The following CLDN16 variants were observed in gnomAD, a reference collection of about 807,000 sequenced individuals.
The protein encoded by CLDN16 is claudin 16.
Under a neutral mutation model 24.6 loss-of-function variants are expected in CLDN16, and 13 were observed. The observed-to-expected ratio is 0.53, with a 90% CI of 0.34 to 0.84. The LOEUF (loss-of-function observed/expected upper bound fraction) is 0.84, where lower values mean the gene tolerates loss of function less well. CLDN16 is among the 40% of genes least tolerant of loss of function. The pLI is 0.01. For missense variants in CLDN16, 298 were observed against 292.7 expected (o/e 1.02, Z -0.13); for synonymous variants, 116 against 106.7 (o/e 1.09, Z -0.54).
the CLDN16 span, among the ~76,000 whole-genome samples, chr3:190,293,370 C>T: frequency 6.6e-6 from 1 of 152,198 alleles, no homozygotes; most frequent in Non-Finnish European, 1.5e-5. Flanking sequence ...GAACACAAAG[C>T]CAATCCATAT....
chr3:190,363,587 T>TATATATATAC (rs1560088055), intron 1 of CLDN16, among the ~76,000 whole-genome samples: 1 of 137,578 alleles, frequency 7.3e-6, no homozygotes, highest in Non-Finnish European at 1.6e-5. Flanking sequence ...TATATATATA[T>TATATATATAC]ATATATATAT....
upstream of CLDN16, chr3:190,322,166 G>C (rs141961866): frequency 6.2e-7 from 1 of 1,614,042 alleles, no homozygotes; most frequent in Non-Finnish European, 8.5e-7. Flanking sequence ...TCCCAGGAAG[G>C]CGAGAATGAA....
intron 1 of CLDN16, among the ~76,000 whole-genome samples, chr3:190,395,007 G>T (rs1718780205): frequency 6.6e-6 from 1 of 151,980 alleles, no homozygotes; most frequent in African/African-American, 2.4e-5. Context: ...AGAGAAAAAA[G>T]AAATTGATAA....
intron 1 of CLDN16, among the ~76,000 whole-genome samples, chr3:190,352,217 A>G (rs751653660): frequency 6.6e-6 from 1 of 152,076 alleles, no homozygotes; most frequent in Non-Finnish European, 1.5e-5. Context: ...TAGCTTCTTT[A>G]CAACTTCAAA....
chr3:190,326,026 G>C (rs1278436619), intron 1 of CLDN16, among the ~76,000 whole-genome samples: 2 of 152,094 alleles, frequency 1.3e-5, no homozygotes, highest in Admixed American at 6.6e-5. Flanking sequence ...GGTAGTGAGG[G>C]GTAGTGGTTA....
chr3:190,305,206 T>G, the CLDN16 span, among the ~76,000 whole-genome samples: 1 of 152,208 alleles, frequency 6.6e-6, no homozygotes, highest in East Asian at 1.9e-4. Flanking sequence ...GGTCTCAATA[T>G]GAACATTGTC....
the CLDN16 span, among the ~76,000 whole-genome samples, chr3:190,292,937 C>T: frequency 6.6e-6 from 1 of 152,210 alleles, no homozygotes; most frequent in African/African-American, 2.4e-5. Flanking sequence ...GGCCTCCAAA[C>T]TGTTCCAACC....
At chr3:190,406,042 T>C (rs1235218062) in intron 3 of CLDN16, among the ~76,000 whole-genome samples, 1 of 152,178 alleles carries the variant, frequency 6.6e-6, no homozygotes, top group African/African-American at 2.4e-5. Flanking sequence ...CACTTGTAGA[T>C]ATGTATGTGT....
At chr3:190,363,554 G>GCACATATATATATATA (rs10663299) in intron 1 of CLDN16, among the ~76,000 whole-genome samples, 2 of 81,356 alleles carry the variant, frequency 2.5e-5, no homozygotes, top group South Asian at 4.7e-4. Context: ...GTGTGTGTGT[G>GCACATATATATATATA]TGTATATATA....
intron 1 of CLDN16, among the ~76,000 whole-genome samples, chr3:190,399,929 T>C (rs762745939): frequency 3.9e-5 from 6 of 152,178 alleles, no homozygotes; most frequent in Admixed American, 6.5e-5. Flanking sequence ...CAAACCCTGT[T>C]GTGAACTGCA....
rs558074144 is a variant in CLDN16 at position 190,405,032 on chromosome 3, C to T, written c.382+106C>T. The T allele has an allele frequency of 4.6e-5, 52 of 1,134,718 alleles. 1 individual carries two copies. The South Asian group carries it at 6.4e-4, about 14-fold the overall frequency. 70.3% of individuals were successfully genotyped at this position (1,134,718 alleles called of 1,614,324 possible). ...CTGCTCATTTTCGGATTATATGTGG[C>T]TTCCCTTTCTAGATTGAAAAACTAA... On this transcript the variant is annotated intron_variant, in intron 3 of 4. Coordinates refer to ENST00000264734, the MANE Select transcript of CLDN16 (RefSeq NM_006580.4).
chr3:190,328,306 A>G (rs142941413), intron 1 of CLDN16, among the ~76,000 whole-genome samples: 2 of 152,264 alleles, frequency 1.3e-5, no homozygotes, highest in African/African-American at 4.8e-5. Flanking sequence ...TTAATTTTTA[A>G]TACCTTGATT....
At chr3:190,402,535 A>G (rs1718990770) in intron 2 of CLDN16, 96 bp downstream of exon 2, 2 of 933,198 alleles carry the variant, frequency 2.1e-6, no homozygotes, top group Non-Finnish European at 3.5e-6. Context: ...CTATTGTACT[A>G]TATTAAGGTT....
chr3:190,396,026 A>G (rs907369513), intron 1 of CLDN16, among the ~76,000 whole-genome samples: 4 of 152,168 alleles, frequency 2.6e-5, no homozygotes, highest in Non-Finnish European at 5.9e-5. Context: ...CAAAAGATAC[A>G]TAAAAAGACA....
intron 1 of CLDN16, among the ~76,000 whole-genome samples, chr3:190,344,159 C>T (rs1717500333): frequency 6.6e-6 from 1 of 151,014 alleles, no homozygotes; most frequent in South Asian, 2.1e-4. Context: ...GCTTTGAAAG[C>T]ACGTATGAAG....
chr3:190,316,153 A>G, the CLDN16 span, among the ~76,000 whole-genome samples: 1 of 152,222 alleles, frequency 6.6e-6, no homozygotes, highest in East Asian at 1.9e-4. Flanking sequence ...TTTGCATAAT[A>G]CACAAAAAGT....
chr3:190,322,529 G>GATAC, upstream of CLDN16: 9 of 337,426 alleles, frequency 2.7e-5, no homozygotes, highest in East Asian at 7.2e-5. Context: ...GGCGGTTTCA[G>GATAC]GGCGGCTCAC....
intron 1 of CLDN16, among the ~76,000 whole-genome samples, chr3:190,324,157 T>C (rs1434896227): frequency 1.3e-5 from 2 of 152,196 alleles, no homozygotes; most frequent in East Asian, 1.9e-4. Flanking sequence ...TTCCAAACAT[T>C]TAAGAATTAA....
chr3:190,344,612 A>G (rs1050371391), intron 1 of CLDN16, among the ~76,000 whole-genome samples: 1 of 152,008 alleles, frequency 6.6e-6, no homozygotes, highest in Non-Finnish European at 1.5e-5. Flanking sequence ...CTTTTAGTCG[A>G]CACTTTTATT....
Sources: allele counts gnomAD v4.1 joint callset (sites outside exome capture counted in the v4.1 genomes callset), GRCh38; gene constraint gnomAD v4.1.1; transcripts MANE v1.5; gene names NCBI Gene and HGNC (gene_info 2026-07-23, HGNC 2026-07-21).